Variants in ANAPC11 observed in about 807,000 individuals in gnomAD.
ANAPC11 encodes anaphase-promoting complex subunit 11.
In ANAPC11, 5 loss-of-function variants were observed where a neutral mutation model predicts 11.8. The ratio of observed to expected loss-of-function variants is 0.42; its 90% CI spans 0.22 to 0.89. The LOEUF is 0.89. Among genes scored for constraint, ANAPC11 ranks in the 40% least tolerant of loss-of-function variants. The pLI, the probability that ANAPC11 is intolerant of heterozygous loss-of-function variation, is 0.28. For missense variants in ANAPC11, 68 were observed against 112.9 expected, an observed-to-expected ratio of 0.60 and a Z score of 1.80; for synonymous variants, 45 against 41.0, an observed-to-expected ratio of 1.10 and a Z score of -0.38.
rs2039765051 is a variant in ANAPC11, at chr17:81,896,900, C to T, written c.109+2314C>T. 2.7e-5 allele frequency among the ~76,000 whole-genome samples: 4 copies of T among 145,892 alleles called. No homozygotes were observed. The South Asian group carries it at 6.6e-4, about 24-fold the overall frequency. On this transcript the variant is annotated intron_variant, in intron 3 of 3. Coordinates refer to ENST00000344877, the MANE Select transcript of ANAPC11 (RefSeq NM_001002248.3). ...CCATCTCAGCTCACCGCAACCCCCACCCTTCTGAGTTCAAAGGATTCTCCG... is the reference window on the plus strand; with the variant it reads ...CCATCTCAGCTCACCGCAACCCCCATCCTTCTGAGTTCAAAGGATTCTCCG...
chr17:81,891,010 C>T (rs868783531), upstream of ANAPC11: 6 of 849,196 alleles, frequency 7.1e-6, no homozygotes, highest in South Asian at 8.8e-5. Flanking sequence ...GGCCGCACAA[C>T]TTCAGTTCCC....
At chr17:81,894,908 G>A (rs1181617154) in intron 3 of ANAPC11, 2 of 264,430 alleles carry the variant, frequency 7.6e-6, no homozygotes, top group African/African-American at 2.2e-5. Flanking sequence ...AGTAGAGACG[G>A]GGTTTTGCCT....
At chr17:81,896,344 C>T (rs1256856572) in intron 3 of ANAPC11, among the ~76,000 whole-genome samples, 1 of 152,118 alleles carries the variant, frequency 6.6e-6, no homozygotes, top group Admixed American at 6.5e-5. Flanking sequence ...ATCGCTTGAA[C>T]CTGGGAGGCA....
chr17:81,890,823 GA>G (rs751288400), upstream of ANAPC11: 11 of 1,587,426 alleles, frequency 6.9e-6, no homozygotes, highest in South Asian at 2.2e-5. Context: ...TGTTTTGGCT[GA>G]AAAAAAAACC....
upstream of ANAPC11, chr17:81,890,925 C>A: frequency 6.6e-7 from 1 of 1,524,186 alleles, no homozygotes; most frequent in Non-Finnish European, 8.9e-7. Context: ...CTGAGAGGAT[C>A]CGGCCGAAAC....
chr17:81,894,962 C>T (rs959968876), intron 3 of ANAPC11: 1 of 197,606 alleles, frequency 5.1e-6, no homozygotes, highest in Admixed American at 6.0e-5. Flanking sequence ...AGGTGACCTG[C>T]CCGCTTCAGC....
intron 3 of ANAPC11, among the ~76,000 whole-genome samples, chr17:81,895,187 T>G (rs1399902296): frequency 1.3e-5 from 2 of 151,748 alleles, no homozygotes; most frequent in African/African-American, 4.8e-5. Context: ...TCCAAGTACC[T>G]GGGATCACAG....
intron 1 of ANAPC11, 84 bp downstream of exon 1, chr17:81,891,925 C>T (rs891293016): frequency 5.6e-6 from 1 of 177,582 alleles, no homozygotes; most frequent in Admixed American, 6.5e-5. Context: ...GCCCCTCCCT[C>T]CCCGCACGCT....
rs1362705563 is a variant in ANAPC11 at position 81,899,998 on chromosome 17, GGCTGCACGCACAGCAGGTGCAGCA to G, written c.191_214del (p.Leu64_Gln71del). 1.9e-6 allele frequency: 3 copies of G among 1,613,012 alleles called. No homozygotes were observed. Among genetic ancestry groups the G allele is most frequent in the Non-Finnish European group, 2.5e-6 (3 of 1,179,972 alleles). ...TTCCACATGCATTGCATCCTCAAGT[GGCTGCACGCACAGCAGGTGCAGCA>G]GCACTGCCCCATGTGCCGCCAGGAA... On this transcript the variant is annotated inframe_deletion, in exon 4 of 4. Coordinates refer to ENST00000344877, the MANE Select transcript of ANAPC11 (RefSeq NM_001002248.3).
At chr17:81,891,608 G>T (rs770618923), upstream of ANAPC11, 31 of 1,376,310 alleles carry the variant, frequency 2.3e-5, no homozygotes, top group South Asian at 9.4e-5. Flanking sequence ...TCAGCACGCC[G>T]GCACGTCACT....
Position 81,891,781 on chromosome 17 carries a change from G to A in ANAPC11, c.-135G>A. 6.2e-6 allele frequency: 2 copies of A among 322,366 alleles called. No homozygotes were observed. Among genetic ancestry groups the A allele is most frequent in the Middle Eastern group, 1.2e-3 (1 of 836 alleles). The allele number at this position is 322,366 out of a possible 1,614,324, so 20.0% of individuals were successfully genotyped here. ...GTTGAGGGAGTCGGGCCGCGACTGTGGTCGTTTTTATACCTTCCCGCGCGG... is the reference window on the plus strand; with the variant it reads ...GTTGAGGGAGTCGGGCCGCGACTGTAGTCGTTTTTATACCTTCCCGCGCGG... On this transcript the variant is annotated 5_prime_UTR_variant, in exon 1 of 4. Coordinates refer to ENST00000344877, the MANE Select transcript of ANAPC11 (RefSeq NM_001002248.3).
intron 1 of ANAPC11, chr17:81,893,103 G>C (rs1001635435): frequency 2.0e-5 from 3 of 151,696 alleles, no homozygotes; most frequent in Non-Finnish European, 4.4e-5. Context: ...CTGCCTCCCA[G>C]GTCCAAGTGA....
In ANAPC11 at chr17:81,895,945, CA is replaced by C. The variant is rs559544702; in HGVS notation, c.109+1367del. The stretch of plus-strand genomic sequence containing the variant: ...GCAAGACTCCATCTCAAAAAACAAA[CA>C]AAAAAAAGATTAGTTTAAACTTTTT... On this transcript the variant is annotated intron_variant, in intron 3 of 3. Coordinates refer to ENST00000344877, the MANE Select transcript of ANAPC11 (RefSeq NM_001002248.3). Among the ~76,000 whole-genome samples, 178 of 151,720 alleles carry C rather than the reference CA, an allele frequency of 1.2e-3. 1 individual carries two copies. Among genetic ancestry groups the C allele is most frequent in the Non-Finnish European group, 1.2e-3 (83 of 67,878 alleles).
In ANAPC11 at chr17:81,900,030, C is replaced by T; in HGVS notation, c.220C>T (p.Pro74Ser). Residue 74 changes from proline (P) to serine (S), a missense_variant, in exon 4 of 4, where the codon CCC becomes TCC. By Grantham distance (74) the Pro-to-Ser change is moderately conservative. Transcript: ENST00000344877. ...CGCACAGCAGGTGCAGCAGCACTGCCCCATGTGCCGCCAGGAATGGAAGTT... is the reference window on the plus strand; with the variant it reads ...CGCACAGCAGGTGCAGCAGCACTGCTCCATGTGCCGCCAGGAATGGAAGTT... Reference protein sequence around the residue: ...LHAQQVQQHCPMCRQEWKFKE With the variant: ...LHAQQVQQHCSMCRQEWKFKE The T allele has an allele frequency of 6.2e-7, 1 of 1,612,736 alleles. No individual in the cohort carries two copies. Among genetic ancestry groups the T allele is most frequent in the Non-Finnish European group, 8.5e-7 (1 of 1,179,888 alleles).
chr17:81,894,433 A>C, intron 2 of ANAPC11, 34 bp from the exon 3 acceptor site: 1 of 1,352,532 alleles, frequency 7.4e-7, no homozygotes, highest in Non-Finnish European at 1.1e-6. Context: ...CTGCAGACTC[A>C]ATTTAGCCAG....
chr17:81,900,213 T>G lies in ANAPC11; in HGVS notation c.*148T>G. On this transcript the variant is annotated 3_prime_UTR_variant, in exon 4 of 4. Coordinates refer to ENST00000344877, the MANE Select transcript of ANAPC11 (RefSeq NM_001002248.3). The stretch of plus-strand genomic sequence containing the variant: ...TGTTTTGCCATCACTATGTTGACAC[T>G]TTTATCCAATAAGTGAAAACTCATT... 7.9e-7 allele frequency: 1 copy of G among 1,270,682 alleles called. No homozygotes were observed. Among genetic ancestry groups the G allele is most frequent in the Non-Finnish European group, 1.1e-6 (1 of 925,002 alleles). The allele number at this position is 1,270,682 out of a possible 1,614,324, so 78.7% of individuals were successfully genotyped here. A position where few individuals can be genotyped will look rare whatever the true frequency, so the allele number is the denominator to read the frequency against.
Position 81,897,625 on chromosome 17 carries a change from C to G in ANAPC11, c.110-2295C>G, listed in dbSNP as rs144224512. 8.2e-3 allele frequency among the ~76,000 whole-genome samples: 1,246 copies of G among 152,216 alleles called. 13 individuals are homozygous for G. The highest frequency in any genetic ancestry group is 0.029 in the African/African-American group (1,204 of 41,534). ...TCAAGTAGCTGGGACCACAGGCATG[C>G]TCCACAATGCCTGGCTAATTTTTTA... On this transcript the variant is annotated intron_variant, in intron 3 of 3. Coordinates refer to ENST00000344877, the MANE Select transcript of ANAPC11 (RefSeq NM_001002248.3).
At chr17:81,899,217 AT>A (rs1476435514) in intron 3 of ANAPC11, 4 of 1,605,300 alleles carry the variant, frequency 2.5e-6, no homozygotes, top group Non-Finnish European at 3.4e-6. Context: ...ATCATGGCTG[AT>A]ACAAGCATCC....
chr17:81,892,829 A>G (rs1161895976), intron 1 of ANAPC11, among the ~76,000 whole-genome samples: 1 of 151,430 alleles, frequency 6.6e-6, no homozygotes, highest in Admixed American at 6.6e-5. Flanking sequence ...AGCCCATTTC[A>G]TGGATTTTAA....
Sources: allele counts gnomAD v4.1 joint callset (sites outside exome capture counted in the v4.1 genomes callset), GRCh38; gene constraint gnomAD v4.1.1; transcripts MANE v1.5; gene names NCBI Gene and HGNC (gene_info 2026-07-23, HGNC 2026-07-21).